The following CCDC25 variants were observed in gnomAD, a reference collection of about 807,000 sequenced individuals.
CCDC25 encodes coiled-coil domain containing 25, also known as coiled-coil domain-containing protein 25.
CCDC25 carries 16 observed loss-of-function variants against 35.3 expected under a neutral mutation model. The observed-to-expected ratio is 0.45, with a 90% CI of 0.31 to 0.69. The LOEUF (loss-of-function observed/expected upper bound fraction) is 0.69. CCDC25 is among the 30% of genes least tolerant of loss of function. The probability of loss-of-function intolerance (pLI) is 0.06; values close to 1 mark genes in which losing one functional copy is unlikely to be tolerated. For missense variants in CCDC25, 179 were observed against 250.7 expected, an observed-to-expected ratio of 0.71 and a Z score of 1.93; for synonymous variants, 79 against 80.3, an observed-to-expected ratio of 0.98 and a Z score of 0.09.
intron 3 of CCDC25, among the ~76,000 whole-genome samples, chr8:27,759,798 AAG>A (rs1491557159): frequency 1.3e-5 from 2 of 149,558 alleles, no homozygotes; most frequent in East Asian, 2.0e-4. Context: ...AAAAAAAAAA[AAG>A]ATGAATTTAG....
chr8:27,760,533 G>A (rs748447578), intron 3 of CCDC25, among the ~76,000 whole-genome samples: 17 of 152,128 alleles, frequency 1.1e-4, no homozygotes, highest in Non-Finnish European at 1.5e-4. Flanking sequence ...CTGCTTCTAC[G>A]CTGGCAGGGA....
At chr8:27,740,864 ATACAGCTCAGATTGTAAACGC>A (rs1803412913) in intron 7 of CCDC25, among the ~76,000 whole-genome samples, 1 of 152,208 alleles carries the variant, frequency 6.6e-6, no homozygotes, top group South Asian at 2.1e-4. Context: ...CAGCTGAGGT[ATACAGCTCAGATTGTAAACGC>A]TACAGGAATT....
chr8:27,762,419 C>T lies in CCDC25; in HGVS notation c.116G>A (p.Trp39Ter). 2 of 1,613,042 alleles carry T rather than the reference C, an allele frequency of 1.2e-6. No individual in the cohort carries two copies. Among genetic ancestry groups the T allele is most frequent in the Non-Finnish European group, 1.7e-6 (2 of 1,179,574 alleles). Residue 39 changes from tryptophan to a stop codon, truncating the protein, a stop_gained and splice_region_variant, in exon 3 of 9, where the codon TGG (tryptophan) becomes TAG (stop). Coordinates refer to ENST00000356537, the MANE Select transcript of CCDC25 (RefSeq NM_018246.3). LOFTEE classifies it high-confidence loss of function. ...LIKHGWPEDI[W>*]FHVDKLSSAH... is the part of the protein sequence containing the mutation. ...GGGCAGAACCAAAATTGTTACTTAC[C>T]AGATATCTTCAGGCCAGCCATGCTT...
chr8:27,747,834 G>C, intron 7 of CCDC25: 2 of 507,148 alleles, frequency 3.9e-6, no homozygotes, highest in Non-Finnish European at 7.0e-6. Flanking sequence ...GTTTCTCTAT[G>C]AATAAAATTA....
chr8:27,756,740 A>G lies in CCDC25; in HGVS notation c.147T>C (p.His49=), dbSNP rs1410884733. The G allele has an allele frequency of 1.9e-6, 3 of 1,613,036 alleles. No individual in the cohort carries two copies. In the African/African-American group the frequency reaches 4.0e-5, roughly 22 times the overall value. The stretch of plus-strand genomic sequence containing the variant: ...TTACCTTATGTAATCGAAGGTATAC[A>G]TGAGCCGAAGAGAGTTTGTCCACAT... The part of the protein sequence containing the change: ...WFHVDKLSSA[H]VYLRLHKGEN... Residue 49 remains histidine (H), a synonymous_variant, in exon 4 of 9, where the codon CAT becomes CAC. Transcript: ENST00000356537.
Position 27,765,231 on chromosome 8 carries a change from T to A in CCDC25, c.49A>T (p.Ile17Phe). The A allele has an allele frequency of 6.7e-7, 1 of 1,502,434 alleles. No homozygotes were observed. Among genetic ancestry groups the A allele is most frequent in the Non-Finnish European group, 9.0e-7 (1 of 1,107,154 alleles). 93.1% of individuals were successfully genotyped at this position (1,502,434 alleles called of 1,614,324 possible). The change falls in exon 2 of 9, where the codon ATT (isoleucine) becomes TTT (phenylalanine). Residue 17 changes from isoleucine to phenylalanine, a missense_variant. Coordinates refer to ENST00000356537, the MANE Select transcript of CCDC25 (RefSeq NM_018246.3). Reference sequence around the variant, plus strand: ...TCATATTTATCTTTTCCCATGTAAATAGTGTAGGCAGATGAATTAACTAAG... The same window carrying A: ...TCATATTTATCTTTTCCCATGTAAAAAGTGTAGGCAGATGAATTAACTAAG... ...SSSVNSSAYTIYMGKDKYENE... is the reference protein window; with the variant it reads ...SSSVNSSAYTFYMGKDKYENE...
At chr8:27,766,182 T>C (rs928933558) in intron 1 of CCDC25, among the ~76,000 whole-genome samples, 1 of 152,194 alleles carries the variant, frequency 6.6e-6, no homozygotes, top group African/African-American at 2.4e-5. Context: ...AAGCCTGTGA[T>C]GGAGAAGTAC....
chr8:27,762,485 A>G (rs1311774864), intron 2 of CCDC25, 27 bp from the exon 3 acceptor site: 2 of 1,607,144 alleles, frequency 1.2e-6, no homozygotes, highest in Admixed American at 3.4e-5. Flanking sequence ...GAAACGAAAG[A>G]AACAAAAACT....
At chr8:27,758,679 TC>T (rs1460832291) in intron 3 of CCDC25, among the ~76,000 whole-genome samples, 1 of 152,202 alleles carries the variant, frequency 6.6e-6, no homozygotes, top group Non-Finnish European at 1.5e-5. Context: ...CTTTACCCAT[TC>T]CAACTTTTAT....
intron 4 of CCDC25, chr8:27,754,605 T>G (rs1474783845): frequency 6.6e-6 from 1 of 152,344 alleles, no homozygotes; most frequent in Non-Finnish European, 1.5e-5. Context: ...CAAGTGAGCC[T>G]CCTACCTCAG....
chr8:27,748,638 G>A (rs17477488), intron 5 of CCDC25, 40 bp from the exon 6 acceptor site: 35,841 of 1,453,380 alleles, frequency 0.025, 586 homozygotes, highest in Non-Finnish European at 0.031. Flanking sequence ...GGCAGGATGA[G>A]ACTGAGCAAT....
chr8:27,771,851 G>A (rs1331148032), intron 1 of CCDC25: 5 of 152,164 alleles, frequency 3.3e-5, no homozygotes, highest in African/African-American at 1.2e-4. Context: ...TTAGGAAAGG[G>A]GAATAACAGG....
At chr8:27,757,659 C>G (rs1804059858) in intron 3 of CCDC25, among the ~76,000 whole-genome samples, 1 of 152,122 alleles carries the variant, frequency 6.6e-6, no homozygotes, top group Admixed American at 6.5e-5. Flanking sequence ...TTTCCAATAC[C>G]CAGAAATGCC....
At chr8:27,765,470 C>T (rs1487239775) in intron 1 of CCDC25, among the ~76,000 whole-genome samples, 1 of 151,980 alleles carries the variant, frequency 6.6e-6, no homozygotes, top group Non-Finnish European at 1.5e-5. Context: ...GAATAAGCCA[C>T]GGAGATTGTA....
chr8:27,768,564 CAAAAAAAAA>C (rs368194540), intron 1 of CCDC25, among the ~76,000 whole-genome samples: 1 of 106,620 alleles, frequency 9.4e-6, no homozygotes, highest in South Asian at 3.1e-4. Context: ...GACTCCATCT[CAAAAAAAAA>C]AAAAAAAGAA....
At chr8:27,740,451 A>C (rs1803396797) in intron 8 of CCDC25, 21 bp downstream of exon 8, 2 of 1,606,406 alleles carry the variant, frequency 1.2e-6, no homozygotes, top group African/African-American at 1.3e-5. Flanking sequence ...GCAAACATTC[A>C]TGCAAACCAC....
Position 27,735,344 on chromosome 8 carries a change from G to A in CCDC25, c.*872C>T, listed in dbSNP as rs1374081319. ...TTGCTGCTGTGGGTGTGAGTAAAAT[G>A]CTTAGTTCCTTCTAAAATCATAATT... On this transcript the variant is annotated 3_prime_UTR_variant, in exon 9 of 9. Coordinates refer to ENST00000356537, the MANE Select transcript of CCDC25 (RefSeq NM_018246.3). 1 of 152,460 alleles carries A rather than the reference G, an allele frequency of 6.6e-6. No homozygotes were observed. The highest frequency in any genetic ancestry group is 1.5e-5 in the Non-Finnish European group (1 of 68,044). 9.4% of individuals were successfully genotyped at this position (152,460 alleles called of 1,614,324 possible).
chr8:27,740,761 C>A (rs1198531520), intron 7 of CCDC25, among the ~76,000 whole-genome samples: 2 of 152,218 alleles, frequency 1.3e-5, no homozygotes, highest in Non-Finnish European at 2.9e-5. Flanking sequence ...TGTTTCATGT[C>A]ACCACCTCCA....
At chr8:27,766,815 G>A (rs564857401) in intron 1 of CCDC25, among the ~76,000 whole-genome samples, 5 of 151,978 alleles carry the variant, frequency 3.3e-5, no homozygotes, top group African/African-American at 1.2e-4. Flanking sequence ...AAAATACCAT[G>A]TACCCATTAA....
Sources: allele counts gnomAD v4.1 joint callset (sites outside exome capture counted in the v4.1 genomes callset), GRCh38; gene constraint gnomAD v4.1.1; transcripts MANE v1.5; gene names NCBI Gene and HGNC (gene_info 2026-07-23, HGNC 2026-07-21).